The following KHDRBS2 variants were observed in gnomAD, a reference collection of about 807,000 sequenced individuals.
KHDRBS2 encodes the protein KH RNA binding domain containing, signal transduction associated 2.
In KHDRBS2, 26 loss-of-function variants were observed where a neutral mutation model predicts 44.3. The observed-to-expected ratio is 0.59, with a 90% CI of 0.43 to 0.81. The LOEUF (loss-of-function observed/expected upper bound fraction) is 0.81. Among genes scored for constraint, KHDRBS2 ranks in the 40% least tolerant of loss-of-function variants. The pLI, the probability that KHDRBS2 is intolerant of heterozygous loss-of-function variation, is 0.00. For synonymous variants in KHDRBS2, 194 were observed against 151.1 expected (o/e 1.28, Z -2.08); for missense variants, 476 against 433.1 (o/e 1.10, Z -0.88).
intron 6 of KHDRBS2, among the ~76,000 whole-genome samples, chr6:61,822,604 G>T (rs1745332823): frequency 6.6e-6 from 1 of 151,936 alleles, no homozygotes; most frequent in Non-Finnish European, 1.5e-5. Context: ...TTAGGATGAA[G>T]TCTAACTTCT....
chr6:62,048,553 G>T (rs1398746120), intron 2 of KHDRBS2, among the ~76,000 whole-genome samples: 1 of 151,720 alleles, frequency 6.6e-6, no homozygotes, highest in Non-Finnish European at 1.5e-5. Context: ...CTCAATTATT[G>T]TTCAATCTTA....
intron 1 of KHDRBS2, among the ~76,000 whole-genome samples, chr6:62,248,566 C>G (rs1250405171): frequency 6.6e-6 from 1 of 151,990 alleles, no homozygotes; most frequent in Non-Finnish European, 1.5e-5. Flanking sequence ...ACCACGTTGG[C>G]CAGGCTGGTC....
chr6:62,072,596 A>G (rs533309814), intron 2 of KHDRBS2, among the ~76,000 whole-genome samples: 165 of 152,228 alleles, frequency 1.1e-3, no homozygotes, highest in African/African-American at 3.3e-3. Context: ...CTATTGAGAT[A>G]GTCATGTGGT....
At chr6:61,899,196 T>C (rs1027924703) in intron 5 of KHDRBS2, among the ~76,000 whole-genome samples, 1 of 151,958 alleles carries the variant, frequency 6.6e-6, no homozygotes, top group Non-Finnish European at 1.5e-5. Context: ...ATTTCTACAA[T>C]GTAATAATGT....
chr6:61,779,685 T>C (rs1325409770), intron 6 of KHDRBS2, among the ~76,000 whole-genome samples: 1 of 152,128 alleles, frequency 6.6e-6, no homozygotes, highest in African/African-American at 2.4e-5. Flanking sequence ...ATAATTAAAT[T>C]TTATATTAAT....
chr6:61,878,133 G>A (rs942678581), intron 6 of KHDRBS2, among the ~76,000 whole-genome samples: 1 of 151,530 alleles, frequency 6.6e-6, no homozygotes, highest in African/African-American at 2.4e-5. Context: ...TCTTATTTAG[G>A]TCATTACATA....
chr6:62,129,717 AT>A (rs532870375), intron 2 of KHDRBS2, among the ~76,000 whole-genome samples: 304 of 151,610 alleles, frequency 2.0e-3, no homozygotes, highest in Non-Finnish European at 3.2e-3. Flanking sequence ...TAGCATTAAA[AT>A]TTTTTTTTCA....
At position 61,829,451 on chromosome 6, in the gene KHDRBS2, A is replaced by G. The variant is rs373442324; in HGVS notation, c.810+65184T>C. On this transcript the variant is annotated intron_variant, in intron 6 of 8. Coordinates refer to ENST00000281156, the MANE Select transcript of KHDRBS2 (RefSeq NM_152688.4). ...AGTGCTGGGATTACAAGCATGAGCC[A>G]CTGCGCCCTATTGGATTGAGAATTT... 2.0e-5 allele frequency among the ~76,000 whole-genome samples: 3 copies of G among 152,210 alleles called. No homozygotes were observed. In the East Asian group the frequency reaches 5.8e-4, roughly 29 times the overall value.
At chr6:61,952,113 T>C (rs1013561423) in intron 4 of KHDRBS2, among the ~76,000 whole-genome samples, 1 of 152,106 alleles carries the variant, frequency 6.6e-6, no homozygotes, top group African/African-American at 2.4e-5. Flanking sequence ...TATTTTCCAA[T>C]TCATTTTTAT....
chr6:61,680,777 A>G lies in KHDRBS2; in HGVS notation c.*186T>C, dbSNP rs1350475649. 2 of 463,390 alleles carry G rather than the reference A, an allele frequency of 4.3e-6. No individual in the cohort carries two copies. The highest frequency in any genetic ancestry group is 7.7e-6 in the Non-Finnish European group (2 of 258,280). 28.7% of individuals were successfully genotyped at this position (463,390 alleles called of 1,614,324 possible). On this transcript the variant is annotated 3_prime_UTR_variant, in exon 9 of 9. Transcript: ENST00000281156. ...TCAGTCTGTTTTGTAAAATAATACT[A>G]GTGTCAATGTCACGCCAACAGTACA...
the KHDRBS2 span, among the ~76,000 whole-genome samples, chr6:61,639,175 C>T: frequency 6.6e-6 from 1 of 152,028 alleles, no homozygotes; most frequent in African/African-American, 2.4e-5. Context: ...TACATAATGT[C>T]CTACAGTCTC....
chr6:62,163,491 G>A (rs1818056385), intron 2 of KHDRBS2, among the ~76,000 whole-genome samples: 1 of 151,980 alleles, frequency 6.6e-6, no homozygotes, highest in African/African-American at 2.4e-5. Context: ...CCTAAATTGG[G>A]TAGAACATTT....
At chr6:62,101,567 A>G (rs1373768049) in intron 2 of KHDRBS2, among the ~76,000 whole-genome samples, 1 of 152,218 alleles carries the variant, frequency 6.6e-6, no homozygotes, top group Non-Finnish European at 1.5e-5. Flanking sequence ...CAAGAGTGTC[A>G]GCCAGGGAAG....
intron 2 of KHDRBS2, among the ~76,000 whole-genome samples, chr6:62,144,123 CTG>C (rs1306784530): frequency 2.0e-5 from 3 of 151,756 alleles, no homozygotes. Flanking sequence ...TTAATTTTAC[CTG>C]TGTTTCATAT....
chr6:62,271,928 A>G (rs1840158398), intron 1 of KHDRBS2, among the ~76,000 whole-genome samples: 2 of 152,190 alleles, frequency 1.3e-5, no homozygotes, highest in Non-Finnish European at 2.9e-5. Context: ...TCTAACTTAC[A>G]GTGTTTATAA....
At chr6:62,057,047 A>G (rs1229997327) in intron 2 of KHDRBS2, among the ~76,000 whole-genome samples, 7 of 152,108 alleles carry the variant, frequency 4.6e-5, no homozygotes. Flanking sequence ...TAGAATGAAG[A>G]TGTTGTATAA....
chr6:61,862,199 C>T (rs565651638), intron 6 of KHDRBS2, among the ~76,000 whole-genome samples: 3 of 152,082 alleles, frequency 2.0e-5, no homozygotes, highest in Non-Finnish European at 2.9e-5. Flanking sequence ...TTGACTTCCT[C>T]TTTTCCTATT....
At chr6:61,889,146 A>C (rs1194682577) in intron 6 of KHDRBS2, among the ~76,000 whole-genome samples, 1 of 152,194 alleles carries the variant, frequency 6.6e-6, no homozygotes, top group Non-Finnish European at 1.5e-5. Context: ...TATTAACAAC[A>C]ATATTCTAGG....
chr6:61,571,977 A>G, the KHDRBS2 span, among the ~76,000 whole-genome samples: 1 of 152,126 alleles, frequency 6.6e-6, no homozygotes, highest in African/African-American at 2.4e-5. Flanking sequence ...ATAAATTCAG[A>G]ACTAAATGAC....
Sources: gnomAD v4.1 joint callset for allele counts (sites outside exome capture counted in the v4.1 genomes callset) on GRCh38, gnomAD v4.1.1 for gene constraint, MANE v1.5 for transcripts, NCBI Gene and HGNC (gene_info 2026-07-23, HGNC 2026-07-21) for gene names.